SLC9A9: variants seen among roughly 807,000 people sequenced by gnomAD.
SLC9A9 encodes solute carrier family 9 member A9, also known as sodium/hydrogen exchanger 9.
In SLC9A9, 62 loss-of-function variants were observed where a neutral mutation model predicts 77.8. The ratio of observed to expected loss-of-function variants is 0.80; its 90% CI spans 0.65 to 0.98. SLC9A9 has a LOEUF of 0.98. SLC9A9 is among the 50% of genes least tolerant of loss of function. The pLI is 0.00. For missense variants in SLC9A9, 775 were observed against 774.9 expected, an observed-to-expected ratio of 1.00 and a Z score of 0.00; for synonymous variants, 320 against 283.5, an observed-to-expected ratio of 1.13 and a Z score of -1.29.
intron 12 of SLC9A9, among the ~76,000 whole-genome samples, chr3:143,406,280 G>A (rs922026794): frequency 2.0e-5 from 3 of 152,146 alleles, no homozygotes; most frequent in African/African-American, 4.8e-5. Context: ...ATTTAAAACG[G>A]AGAATAATAC....
At chr3:143,693,403 G>A (rs1933537401) in intron 4 of SLC9A9, 96 bp from the exon 5 acceptor site, 12 of 993,412 alleles carry the variant, frequency 1.2e-5, no homozygotes, top group African/African-American at 1.6e-5. Context: ...TCCTGAATAC[G>A]TATCATGCAC....
chr3:143,402,087 T>C (rs776938823), intron 12 of SLC9A9, among the ~76,000 whole-genome samples: 1 of 152,138 alleles, frequency 6.6e-6, no homozygotes, highest in African/African-American at 2.4e-5. Flanking sequence ...GCTCAGATGA[T>C]CGCACCCTAC....
At chr3:143,817,970 A>G (rs1215485493) in intron 2 of SLC9A9, among the ~76,000 whole-genome samples, 3 of 152,230 alleles carry the variant, frequency 2.0e-5, no homozygotes, top group Non-Finnish European at 4.4e-5. Flanking sequence ...GGCTTAGGTT[A>G]TGATAATAAG....
At chr3:143,829,977 A>C (rs1468539163) in intron 2 of SLC9A9, among the ~76,000 whole-genome samples, 1 of 152,180 alleles carries the variant, frequency 6.6e-6, no homozygotes, top group Non-Finnish European at 1.5e-5. Context: ...GGGATGGAAG[A>C]TCTATCTAAT....
At chr3:143,428,262 C>CCTGAATAGACATT (rs11276600) in intron 12 of SLC9A9, among the ~76,000 whole-genome samples, 93,104 of 150,946 alleles carry the variant, frequency 0.62, 28,936 homozygotes, top group African/African-American at 0.69. Context: ...GGATAAAAGA[C>CCTGAATAGACATT]CTGAATAGAC....
chr3:143,469,021 A>G (rs2035332705), intron 11 of SLC9A9, among the ~76,000 whole-genome samples: 1 of 152,152 alleles, frequency 6.6e-6, no homozygotes, highest in South Asian at 2.1e-4. Flanking sequence ...TTAGCTGGGC[A>G]TAGTGGCGCA....
chr3:143,564,079 G>T (rs2037129671), intron 8 of SLC9A9, among the ~76,000 whole-genome samples: 1 of 152,208 alleles, frequency 6.6e-6, no homozygotes, highest in African/African-American at 2.4e-5. Context: ...ATGTTTATGT[G>T]CTTTGAAAAG....
At chr3:143,456,563 T>C (rs941219180) in intron 12 of SLC9A9, among the ~76,000 whole-genome samples, 7 of 141,182 alleles carry the variant, frequency 5.0e-5, no homozygotes, top group Admixed American at 4.2e-4. Context: ...TCTATTTCTT[T>C]CTTTCTTTTT....
At chr3:143,640,314 C>A (rs35443555) in intron 6 of SLC9A9, among the ~76,000 whole-genome samples, 1 of 152,092 alleles carries the variant, frequency 6.6e-6, no homozygotes, top group Non-Finnish European at 1.5e-5. Flanking sequence ...AGCCACCGTG[C>A]GCAACCTTGT....
At chr3:143,635,280 T>C (rs1304951890) in intron 6 of SLC9A9, among the ~76,000 whole-genome samples, 2 of 152,180 alleles carry the variant, frequency 1.3e-5, no homozygotes, top group African/African-American at 2.4e-5. Flanking sequence ...GTAAGTTCTC[T>C]AAGCGAGAGG....
intron 6 of SLC9A9, among the ~76,000 whole-genome samples, chr3:143,601,754 A>C (rs2108687495): frequency 6.6e-6 from 1 of 152,360 alleles, no homozygotes; most frequent in South Asian, 2.1e-4. Context: ...AAGTGGCTAC[A>C]TCAGATGAAA....
chr3:143,648,718 G>A (rs1304946681), intron 6 of SLC9A9, among the ~76,000 whole-genome samples: 2 of 152,122 alleles, frequency 1.3e-5, no homozygotes, highest in African/African-American at 2.4e-5. Flanking sequence ...TTGAACTCAC[G>A]GAGCAGGTGA....
chr3:143,583,995 G>A lies in SLC9A9; in HGVS notation c.756-5272C>T, dbSNP rs941166005. On this transcript the variant is annotated intron_variant, in intron 6 of 15. Transcript: ENST00000316549. ...CTAGTAATGAAGAAGAAGGAGGAGGGGGAGAAGAAGGAAGAAAAAGAGGAG... is the reference window on the plus strand; with the variant it reads ...CTAGTAATGAAGAAGAAGGAGGAGGAGGAGAAGAAGGAAGAAAAAGAGGAG... Among the ~76,000 whole-genome samples the A allele has an allele frequency of 3.9e-5, 6 of 152,280 alleles. No homozygotes were observed. The South Asian group carries it at 1.2e-3, about 32-fold the overall frequency.
intron 11 of SLC9A9, among the ~76,000 whole-genome samples, chr3:143,470,247 G>T (rs7638124): frequency 1.3e-5 from 2 of 151,782 alleles, no homozygotes; most frequent in African/African-American, 4.8e-5. Flanking sequence ...AGGCTGAGGC[G>T]GGTGGTGGAT....
At chr3:143,544,234 T>G (rs2036745063) in intron 9 of SLC9A9, among the ~76,000 whole-genome samples, 2 of 152,198 alleles carry the variant, frequency 1.3e-5, no homozygotes, top group South Asian at 4.1e-4. Flanking sequence ...TTTTCTTTTC[T>G]TTTTGTTTTT....
chr3:143,621,645 G>A (rs1007122394), intron 6 of SLC9A9, among the ~76,000 whole-genome samples: 16 of 151,656 alleles, frequency 1.1e-4, no homozygotes, highest in African/African-American at 3.9e-4. Flanking sequence ...CAAAGGTAGA[G>A]AAAACCACAA....
chr3:143,741,284 T>A (rs149567067), intron 4 of SLC9A9, among the ~76,000 whole-genome samples: 5 of 152,046 alleles, frequency 3.3e-5, no homozygotes, highest in Admixed American at 6.6e-5. Flanking sequence ...CCCCAAAAAA[T>A]CACCCCATTA....
intron 4 of SLC9A9, among the ~76,000 whole-genome samples, chr3:143,717,874 T>C (rs1259481930): frequency 6.6e-6 from 1 of 152,138 alleles, no homozygotes; most frequent in Non-Finnish European, 1.5e-5. Flanking sequence ...CATTTTCTGT[T>C]GCAAATGGCC....
chr3:143,836,390 C>T (rs894728056), intron 1 of SLC9A9, among the ~76,000 whole-genome samples: 3 of 152,184 alleles, frequency 2.0e-5, no homozygotes, highest in Admixed American at 6.5e-5. Flanking sequence ...AGAATTGTAG[C>T]CCAACTTTCT....
Sources: allele counts gnomAD v4.1 joint callset (sites outside exome capture counted in the v4.1 genomes callset), GRCh38; gene constraint gnomAD v4.1.1; transcripts MANE v1.5; gene names NCBI Gene and HGNC (gene_info 2026-07-23, HGNC 2026-07-21).